Variants in FAM32A observed in about 807,000 individuals in gnomAD.
FAM32A encodes protein FAM32A.
A neutral mutation model predicts 15.8 loss-of-function variants in FAM32A; 9 were observed. The observed-to-expected ratio is 0.57, with a 90% CI of 0.34 to 1.00. The LOEUF (loss-of-function observed/expected upper bound fraction) is 1.00. FAM32A is among the 50% of genes least tolerant of loss of function. FAM32A has a pLI of 0.02. For synonymous variants in FAM32A, 64 were observed against 54.9 expected (o/e 1.16, Z -0.73); for missense variants, 113 against 138.3 (o/e 0.82, Z 0.92).
rs1190196302 is a variant in FAM32A, at chr19:16,191,381, C to T, written c.*426C>T. On this transcript the variant is annotated 3_prime_UTR_variant, in exon 4 of 4. Coordinates refer to ENST00000263384, the MANE Select transcript of FAM32A (RefSeq NM_014077.4). Reference sequence around the variant, plus strand: ...GTATGCAGAGCCCCGCAGGACCCAGCGTGGGCGCCCTTCCAAGCTTCCTCT... The same window carrying T: ...GTATGCAGAGCCCCGCAGGACCCAGTGTGGGCGCCCTTCCAAGCTTCCTCT... 13 of 191,568 alleles carry T rather than the reference C, an allele frequency of 6.8e-5. No individual in the cohort carries two copies. The highest frequency in any genetic ancestry group is 6.6e-5 in the Non-Finnish European group (6 of 91,472). 11.9% of individuals were successfully genotyped at this position (191,568 alleles called of 1,614,324 possible).
At chr19:16,189,646 C>T (rs1213461474) in intron 2 of FAM32A, 1 of 132,296 alleles carries the variant, frequency 7.6e-6, no homozygotes, top group Non-Finnish European at 1.6e-5. Context: ...ATCTGTCTGG[C>T]TTTATATCCC....
At chr19:16,185,565 T>A in intron 1 of FAM32A, 49 bp downstream of exon 1, 1 of 1,581,212 alleles carries the variant, frequency 6.3e-7, no homozygotes, top group East Asian at 2.3e-5. Flanking sequence ...CCTTAGACCT[T>A]TTCTCGGGAC....
At position 16,190,689 on chromosome 19, in the gene FAM32A, A is replaced by G. The variant is rs1267980170; in HGVS notation, c.270+116A>G. 4.4e-6 allele frequency: 4 copies of G among 903,004 alleles called. No homozygotes were observed. The East Asian group carries it at 7.4e-5, about 17-fold the overall frequency. The allele number at this position is 903,004 out of a possible 1,614,324, so 55.9% of individuals were successfully genotyped here. A position where few individuals can be genotyped will look rare whatever the true frequency, so the allele number is the denominator to read the frequency against. ...TGTTGACGAGAAGGGAAGTTTACCTAATAGAAGTGACACTTCCCCAGGGTT... is the reference window on the plus strand; with the variant it reads ...TGTTGACGAGAAGGGAAGTTTACCTGATAGAAGTGACACTTCCCCAGGGTT... On this transcript the variant is annotated intron_variant, in intron 3 of 3. Transcript: ENST00000263384.
intron 2 of FAM32A, among the ~76,000 whole-genome samples, chr19:16,188,731 AC>A (rs2091394823): frequency 6.6e-6 from 1 of 152,158 alleles, no homozygotes; most frequent in South Asian, 2.1e-4. Flanking sequence ...AGGAAGAGGG[AC>A]AGAGATGGGC....
In FAM32A at chr19:16,185,536, G is replaced by A. The variant is rs2091381568; in HGVS notation, c.74+20G>A. 6.4e-7 allele frequency: 1 copy of A among 1,568,698 alleles called. No homozygotes were observed. Among genetic ancestry groups the A allele is most frequent in the Non-Finnish European group, 8.7e-7 (1 of 1,155,982 alleles). On this transcript the variant is annotated intron_variant, in intron 1 of 3. Coordinates refer to ENST00000263384, the MANE Select transcript of FAM32A (RefSeq NM_014077.4). ...CAAGCGGTGAGGCCCGAGGGCCCGCGGGATTCCGTCTTCATCCCCCTTAGA... is the reference window on the plus strand; with the variant it reads ...CAAGCGGTGAGGCCCGAGGGCCCGCAGGATTCCGTCTTCATCCCCCTTAGA...
At chr19:16,186,739 G>A (rs2091387417) in intron 2 of FAM32A, 1 of 152,286 alleles carries the variant, frequency 6.6e-6, no homozygotes, top group Non-Finnish European at 1.5e-5. Context: ...AATAATCAGT[G>A]TAGGTCAGTG....
rs573359134 is a variant in FAM32A at position 16,191,876 on chromosome 19, G to A, written c.*921G>A. 1 of 152,420 alleles carries A rather than the reference G, an allele frequency of 6.6e-6. No individual in the cohort carries two copies. Among genetic ancestry groups the A allele is most frequent in the African/African-American group, 2.4e-5 (1 of 41,588 alleles). The allele number at this position is 152,420 out of a possible 1,614,324, so 9.4% of individuals were successfully genotyped here. On this transcript the variant is annotated 3_prime_UTR_variant, in exon 4 of 4. Transcript: ENST00000263384. ...GTCCGTGTTGGAGGGCTGGGATCTT[G>A]TAGGGCCTGTGCGTCCTGGCTGAGG... is the stretch of plus-strand genomic sequence containing the variant.
Position 16,187,907 on chromosome 19 carries a change from A to AGC in FAM32A, c.216+2143_216+2144dup, listed in dbSNP as rs1231185492. On this transcript the variant is annotated intron_variant, in intron 2 of 3. Coordinates refer to ENST00000263384, the MANE Select transcript of FAM32A (RefSeq NM_014077.4). Reference sequence around the variant, plus strand: ...ACTACAGGCGCCCACCACCATGCCCAGCTAATTTTTGTATTTTTAGTAGAG... The same window carrying AGC: ...ACTACAGGCGCCCACCACCATGCCCAGCGCTAATTTTTGTATTTTTAGTAGAG... Among the ~76,000 whole-genome samples the AGC allele has an allele frequency of 1.1e-4, 17 of 151,592 alleles. 1 individual carries two copies. In the South Asian group the frequency reaches 3.5e-3, roughly 32 times the overall value.
At chr19:16,187,284 C>A (rs1464132713) in intron 2 of FAM32A, 1 of 152,002 alleles carries the variant, frequency 6.6e-6, no homozygotes, top group Non-Finnish European at 1.5e-5. Context: ...CATGGTGAAA[C>A]CCTGTCTCTA....
intron 3 of FAM32A, 136 bp downstream of exon 3, chr19:16,190,709 A>G (rs899984779): frequency 2.3e-6 from 2 of 854,264 alleles, no homozygotes; most frequent in East Asian, 5.0e-5. Flanking sequence ...ACACTTCCCC[A>G]GGGTTATTCA....
chr19:16,187,479 G>C (rs67158306), intron 2 of FAM32A: 107,971 of 150,188 alleles, frequency 0.72, 38,985 homozygotes, highest in Admixed American at 0.78. Flanking sequence ...GACTCAGTCT[G>C]GCTCTGTCAC....
rs206231 is a variant in FAM32A at position 16,190,501 on chromosome 19, A to G, written c.217-19A>G. 1,179,306 of 1,588,680 alleles carry G rather than the reference A, an allele frequency of 0.74. 439,781 individuals carry two copies. Among genetic ancestry groups the G allele is most frequent in the Admixed American group, 0.8 (46,160 of 57,784 alleles). ...GTGTTGAGCCTGTAAACTCACCTCC[A>G]TGTCTCTTCTCTCTCCAGCAAATGG... On this transcript the variant is annotated intron_variant, in intron 2 of 3. Transcript: ENST00000263384.
At chr19:16,189,544 G>C (rs1041557796) in intron 2 of FAM32A, 8 of 152,308 alleles carry the variant, frequency 5.3e-5, no homozygotes, top group African/African-American at 1.9e-4. Flanking sequence ...GACTGCACAA[G>C]GGATGAATCA....
rs144821408 is a variant in FAM32A at position 16,191,675 on chromosome 19, C to T, written c.*720C>T. ...TCTTTGAAATGGAACCAGACACAGC[C>T]TGCCTCTCAATCCTCAGCTGGGGGC... On this transcript the variant is annotated 3_prime_UTR_variant, in exon 4 of 4. Coordinates refer to ENST00000263384, the MANE Select transcript of FAM32A (RefSeq NM_014077.4). 6.6e-6 allele frequency: 1 copy of T among 152,596 alleles called. No homozygotes were observed. Among genetic ancestry groups the T allele is most frequent in the African/African-American group, 2.4e-5 (1 of 41,588 alleles). 9.5% of individuals were successfully genotyped at this position (152,596 alleles called of 1,614,324 possible). A position where few individuals can be genotyped will look rare whatever the true frequency, so the allele number is the denominator to read the frequency against.
chr19:16,185,765 G>C lies in FAM32A; in HGVS notation c.216G>C (p.Arg72=), dbSNP rs2091383288. ...CCTTCGAGAAAATGCAGGAGAAGCG[G>C]GTGAGCAGAAGCAGAAGGCGGCGGG... is the stretch of plus-strand genomic sequence containing the variant. The part of the protein sequence containing the change: ...QAAFEKMQEK[R]QMERILKKAS... Residue 72 remains arginine, a splice_region_variant and synonymous_variant, in exon 2 of 4, where the codon CGG becomes CGC. Coordinates refer to ENST00000263384, the MANE Select transcript of FAM32A (RefSeq NM_014077.4). 6.5e-7 allele frequency: 1 copy of C among 1,549,300 alleles called. No individual in the cohort carries two copies. The highest frequency in any genetic ancestry group is 1.4e-5 in the African/African-American group (1 of 72,780).
chr19:16,190,268 C>T (rs1016664405), intron 2 of FAM32A, among the ~76,000 whole-genome samples: 1 of 152,168 alleles, frequency 6.6e-6, no homozygotes, highest in Non-Finnish European at 1.5e-5. Context: ...CAGCTCCCAG[C>T]AGAGTCTGCT....
Position 16,190,881 on chromosome 19 carries a change from C to G in FAM32A, c.271-6C>G. 6.2e-7 allele frequency: 1 copy of G among 1,613,620 alleles called. No homozygotes were observed. Among genetic ancestry groups the G allele is most frequent in the Non-Finnish European group, 8.5e-7 (1 of 1,179,568 alleles). On this transcript the variant is annotated splice_polypyrimidine_tract_variant and splice_region_variant and intron_variant, in intron 3 of 3. Transcript: ENST00000263384. Reference sequence around the variant, plus strand: ...CTGACACCGGCCTTCTACTCCACCTCCCCAGGACTTCAACAGACACCTGGA... The same window carrying G: ...CTGACACCGGCCTTCTACTCCACCTGCCCAGGACTTCAACAGACACCTGGA...
At chr19:16,189,315 G>C (rs537428512) in intron 2 of FAM32A, 4 of 152,298 alleles carry the variant, frequency 2.6e-5, no homozygotes, top group African/African-American at 9.6e-5. Flanking sequence ...GAGCCGCCAT[G>C]CCCCACCTCT....
At chr19:16,190,415 G>T (rs1426639270) in intron 2 of FAM32A, 105 bp from the exon 3 acceptor site, 1 of 758,830 alleles carries the variant, frequency 1.3e-6, no homozygotes, top group Admixed American at 2.2e-5. Context: ...ACCTCCAGCT[G>T]TTCTAAATGT....
Sources: gnomAD v4.1 joint callset for allele counts (sites outside exome capture counted in the v4.1 genomes callset) on GRCh38, gnomAD v4.1.1 for gene constraint, MANE v1.5 for transcripts, NCBI Gene and HGNC (gene_info 2026-07-23, HGNC 2026-07-21) for gene names.